Variants in MICOS10 observed in about 807,000 individuals in gnomAD.
MICOS10 encodes the protein MICOS complex subunit MIC10.
MICOS10 carries 5 observed loss-of-function variants against 13.4 expected under a neutral mutation model. That is an observed-to-expected ratio of 0.37 (90% CI 0.20 to 0.78). The LOEUF (loss-of-function observed/expected upper bound fraction) is 0.78. MICOS10 is among the 30% of genes least tolerant of loss of function. The pLI is 0.47. For missense variants in MICOS10, 101 were observed against 94.6 expected (o/e 1.07, Z -0.28); for synonymous variants, 35 against 33.6 (o/e 1.04, Z -0.15).
chr1:19,612,405 G>T (rs1477058921), intron 1 of MICOS10, among the ~76,000 whole-genome samples: 1 of 151,692 alleles, frequency 6.6e-6, no homozygotes, highest in South Asian at 2.1e-4. Flanking sequence ...TTTTTATGGG[G>T]CTTGGTAGAG....
At chr1:19,610,259 G>C (rs944713518) in intron 1 of MICOS10, among the ~76,000 whole-genome samples, 1 of 149,010 alleles carries the variant, frequency 6.7e-6, no homozygotes, top group African/African-American at 2.4e-5. Flanking sequence ...GAAAGGGAAA[G>C]AAAGGATAAA....
At chr1:19,603,999 G>A (rs1020832457) in intron 1 of MICOS10, among the ~76,000 whole-genome samples, 2 of 152,156 alleles carry the variant, frequency 1.3e-5, no homozygotes, top group African/African-American at 4.8e-5. Flanking sequence ...CCCCTAGAAT[G>A]TATTCAATTC....
intron 1 of MICOS10, among the ~76,000 whole-genome samples, chr1:19,615,577 CT>C (rs71579809): frequency 6.6e-5 from 10 of 151,678 alleles, no homozygotes; most frequent in African/African-American, 2.2e-4. Flanking sequence ...CAACACTTTC[CT>C]TTTTTTCCCC....
intron 3 of MICOS10, chr1:19,625,515 C>T: frequency 1.6e-6 from 2 of 1,289,454 alleles, no homozygotes; most frequent in Non-Finnish European, 1.0e-6. Flanking sequence ...AGAAGAGGCG[C>T]AGCTGTGTGG....
chr1:19,621,128 T>G (rs1380641554), intron 1 of MICOS10, among the ~76,000 whole-genome samples: 1 of 152,208 alleles, frequency 6.6e-6, no homozygotes, highest in African/African-American at 2.4e-5. Flanking sequence ...CGCCTTAAAA[T>G]TGAACCCTGT....
chr1:19,601,361 T>G (rs2094814190), intron 1 of MICOS10: 1 of 205,630 alleles, frequency 4.9e-6, no homozygotes, highest in African/African-American at 2.3e-5. Flanking sequence ...GGAGGATCAC[T>G]TGAGCCCAAG....
Position 19,605,053 on chromosome 1 carries a change from C to T in MICOS10, c.64+7944C>T, listed in dbSNP as rs76772752. Among the ~76,000 whole-genome samples, 760 of 152,222 alleles carry T rather than the reference C, an allele frequency of 5.0e-3. 3 individuals carry two copies. Among genetic ancestry groups the T allele is most frequent in the Admixed American group, 0.014 (208 of 15,292 alleles). ...CTTGTAAGATATTTCTCCATTTTTA[C>T]AATGGAAGCTCATGGTGGCAGAATC... On this transcript the variant is annotated intron_variant, in intron 1 of 3. Coordinates refer to ENST00000322753, the MANE Select transcript of MICOS10 (RefSeq NM_001032363.4).
At chr1:19,603,202 A>G (rs2094822372) in intron 1 of MICOS10, among the ~76,000 whole-genome samples, 1 of 152,106 alleles carries the variant, frequency 6.6e-6, no homozygotes, top group Admixed American at 6.6e-5. Context: ...ATGGTGGTGC[A>G]TGCCTGTAAT....
chr1:19,624,994 G>A (rs74056923), intron 3 of MICOS10, among the ~76,000 whole-genome samples: 226 of 152,212 alleles, frequency 1.5e-3, no homozygotes, highest in African/African-American at 5.2e-3. Context: ...CACTGTGAAC[G>A]GGGCTGCAGT....
chr1:19,619,984 C>T (rs2094897559), intron 1 of MICOS10, among the ~76,000 whole-genome samples: 1 of 152,232 alleles, frequency 6.6e-6, no homozygotes, highest in Non-Finnish European at 1.5e-5. Flanking sequence ...TCATGTCAGA[C>T]AGCATGGACT....
At position 19,611,469 on chromosome 1, in the gene MICOS10, A is replaced by ATTTTTTTTTT. The variant is rs768118529; in HGVS notation, c.65-10618_65-10609dup. ...TTCTCTTTATTCCAGTTGCAACTTG[A>ATTTTTTTTTT]TTTTTTTTTTTTTTTTTTTTTTGAG... is the stretch of plus-strand genomic sequence containing the variant. On this transcript the variant is annotated intron_variant, in intron 1 of 3. Coordinates refer to ENST00000322753, the MANE Select transcript of MICOS10 (RefSeq NM_001032363.4). 3.1e-3 allele frequency among the ~76,000 whole-genome samples: 284 copies of ATTTTTTTTTT among 90,300 alleles called. 32 individuals carry two copies. Among genetic ancestry groups the ATTTTTTTTTT allele is most frequent in the African/African-American group, 0.014 (271 of 19,308 alleles). 59.2% of individuals were successfully genotyped at this position (90,300 alleles called of 152,430 possible).
intron 1 of MICOS10, among the ~76,000 whole-genome samples, chr1:19,620,151 A>T (rs1025677302): frequency 1.3e-5 from 2 of 152,268 alleles, no homozygotes; most frequent in Non-Finnish European, 2.9e-5. Context: ...AAAAGTGGCC[A>T]AAGGCAGAGA....
chr1:19,626,605 T>A lies in MICOS10; in HGVS notation c.*204T>A. The A allele has an allele frequency of 1.7e-6, 1 of 593,246 alleles. No homozygotes were observed. Among genetic ancestry groups the A allele is most frequent in the Non-Finnish European group, 3.0e-6 (1 of 337,356 alleles). The allele number at this position is 593,246 out of a possible 1,614,324, so 36.7% of individuals were successfully genotyped here. On this transcript the variant is annotated 3_prime_UTR_variant, in exon 4 of 4. Coordinates refer to ENST00000322753, the MANE Select transcript of MICOS10 (RefSeq NM_001032363.4). Reference sequence around the variant, plus strand: ...TCTGGAAGTTGTAAGGAGGTGGTCTTAAATAAATTAAACAAAAAGAGGAAG... The same window carrying A: ...TCTGGAAGTTGTAAGGAGGTGGTCTAAAATAAATTAAACAAAAAGAGGAAG...
At chr1:19,625,256 G>A (rs2094917896) in intron 3 of MICOS10, 1 of 905,596 alleles carries the variant, frequency 1.1e-6, no homozygotes, top group Admixed American at 3.5e-5. Context: ...CTTGTCCATT[G>A]TTCCACTGTA....
chr1:19,600,756 C>A, intron 1 of MICOS10: 1 of 475,284 alleles, frequency 2.1e-6, no homozygotes, highest in Non-Finnish European at 3.8e-6. Context: ...TACGCACCAC[C>A]ATACCCATCT....
At chr1:19,606,169 T>C (rs2094833969) in intron 1 of MICOS10, among the ~76,000 whole-genome samples, 1 of 152,094 alleles carries the variant, frequency 6.6e-6, no homozygotes, top group South Asian at 2.1e-4. Flanking sequence ...AAGAGAGATA[T>C]AATGATGCTA....
intron 1 of MICOS10, among the ~76,000 whole-genome samples, chr1:19,602,733 G>GTT (rs1221133529): frequency 2.0e-5 from 3 of 152,146 alleles, no homozygotes; most frequent in Non-Finnish European, 2.9e-5. Flanking sequence ...GGGCTGTGGT[G>GTT]TTTATTTTCC....
intron 1 of MICOS10, 27 bp downstream of exon 1, chr1:19,597,136 C>G (rs1435198787): frequency 1.9e-6 from 3 of 1,596,536 alleles, no homozygotes; most frequent in South Asian, 2.2e-5. Context: ...CCCAGCAGGC[C>G]CGGCCGGTGC....
intron 1 of MICOS10, among the ~76,000 whole-genome samples, chr1:19,610,796 T>G (rs1181882510): frequency 2.0e-5 from 3 of 152,200 alleles, no homozygotes; most frequent in Non-Finnish European, 2.9e-5. Context: ...AATTCCTGTT[T>G]GATAGATTTT....
Sources: allele counts gnomAD v4.1 joint callset (sites outside exome capture counted in the v4.1 genomes callset), GRCh38; gene constraint gnomAD v4.1.1; transcripts MANE v1.5; gene names NCBI Gene and HGNC (gene_info 2026-07-23, HGNC 2026-07-21).